Variants in LTBP2 observed in about 807,000 individuals in gnomAD.
LTBP2 encodes the protein latent transforming growth factor beta binding protein 2.
A neutral mutation model predicts 210.6 loss-of-function variants in LTBP2; 103 were observed. That is an observed-to-expected ratio of 0.49 (90% CI 0.42 to 0.58). LTBP2 has a LOEUF of 0.58. Among genes scored for constraint, LTBP2 ranks in the 20% least tolerant of loss-of-function variants. LTBP2 has a pLI of 0.00. For synonymous variants in LTBP2, 1,007 were observed against 1,015.0 expected (o/e 0.99, Z 0.15); for missense variants, 2,313 against 2,494.5 (o/e 0.93, Z 1.55).
At chr14:74,589,658 G>GACC (rs1422060499) in intron 2 of LTBP2, among the ~76,000 whole-genome samples, 1 of 152,184 alleles carries the variant, frequency 6.6e-6, no homozygotes, top group Admixed American at 6.5e-5. Context: ...GTCCCCACCT[G>GACC]ACCACCTGCC....
rs1483014153 is a variant in LTBP2, at chr14:74,552,953, G to C, written c.1131C>G (p.Asp377Glu). 1.2e-6 allele frequency: 2 copies of C among 1,613,936 alleles called. No individual in the cohort carries two copies. The highest frequency in any genetic ancestry group is 1.7e-6 in the Non-Finnish European group (2 of 1,179,980). Residue 377 changes from aspartate to glutamate, a missense_variant, in exon 5 of 36, where the codon GAC (aspartate) becomes GAG (glutamate). Transcript: ENST00000261978. Reference sequence around the variant, plus strand: ...CGCCCTGGCTGTACAGGGTGGTGGTGTCGCCCCTCTCACAGCTGTTGGCAC... The same window carrying C: ...CGCCCTGGCTGTACAGGGTGGTGGTCTCGCCCCTCTCACAGCTGTTGGCAC... The part of the protein sequence containing the change: ...GHCANSCERG[D>E]TTTLYSQGGH...
At chr14:74,501,775 GTA>G (rs1430718651) in intron 34 of LTBP2, 185 bp from the exon 35 acceptor site, 1 of 691,968 alleles carries the variant, frequency 1.4e-6, no homozygotes, top group Non-Finnish European at 2.4e-6. Flanking sequence ...GAAAAAAAAA[GTA>G]TGTGTCATTT....
chr14:74,587,485 C>T (rs953945429), intron 2 of LTBP2, among the ~76,000 whole-genome samples: 1 of 151,396 alleles, frequency 6.6e-6, no homozygotes, highest in African/African-American at 2.4e-5. Context: ...GAGATGGGAG[C>T]GTGCAAAGGA....
Position 74,505,925 on chromosome 14 carries a change from A to G in LTBP2, c.4177+123T>C, listed in dbSNP as rs1024586365. 201 of 1,379,752 alleles carry G rather than the reference A, an allele frequency of 1.5e-4. 1 individual carries two copies. The highest frequency in any genetic ancestry group is 3.7e-4 in the Middle Eastern group (2 of 5,464). The allele number at this position is 1,379,752 out of a possible 1,614,324, so 85.5% of individuals were successfully genotyped here. ...CACCAGGCCCCGCCTGCACCTCCCT[A>G]TGCTGCCCCAGGCCCTGGCCCAGTG... On this transcript the variant is annotated intron_variant, in intron 28 of 35. Transcript: ENST00000261978.
chr14:74,582,460 C>T (rs1238205000), intron 3 of LTBP2, among the ~76,000 whole-genome samples: 3 of 151,644 alleles, frequency 2.0e-5, no homozygotes, highest in African/African-American at 2.4e-5. Flanking sequence ...TGCTTGTTGC[C>T]ACCTCCTCCC....
chr14:74,603,204 T>A (rs1418093271), intron 2 of LTBP2, among the ~76,000 whole-genome samples: 1 of 152,164 alleles, frequency 6.6e-6, no homozygotes, highest in East Asian at 1.9e-4. Context: ...CTTGGCTCAC[T>A]GCAAACTCTG....
At position 74,505,090 on chromosome 14, in the gene LTBP2, G is replaced by C. The variant is rs774548138; in HGVS notation, c.4262C>G (p.Ala1421Gly). Residue 1421 changes from alanine to glycine, a missense_variant, in exon 29 of 36, where the codon GCG (alanine) becomes GGG (glycine). Transcript: ENST00000261978. The part of the protein sequence containing the change: ...MDCYSGQKGH[A>G]PCSSVLGRNT... Reference sequence around the variant, plus strand: ...CCGGCCCAGGACACTGGAGCAGGGCGCATGGCCCTTCTGCCCGGAGTAGCA... The same window carrying C: ...CCGGCCCAGGACACTGGAGCAGGGCCCATGGCCCTTCTGCCCGGAGTAGCA... 2 of 1,613,936 alleles carry C rather than the reference G, an allele frequency of 1.2e-6. No homozygotes were observed. The highest frequency in any genetic ancestry group is 1.7e-6 in the Non-Finnish European group (2 of 1,180,050).
At position 74,526,089 on chromosome 14, in the gene LTBP2, G is replaced by C; in HGVS notation, c.2414C>G (p.Pro805Arg). The C allele has an allele frequency of 6.2e-7, 1 of 1,605,992 alleles. No individual in the cohort carries two copies. The highest frequency in any genetic ancestry group is 8.5e-7 in the Non-Finnish European group (1 of 1,175,892). ...GQVTTSVTHAPAWVTGNATTP... is the reference protein window; with the variant it reads ...GQVTTSVTHARAWVTGNATTP... Reference sequence around the variant, plus strand: ...GAGGGACTCACCTGTGACCCAGGCAGGTGCATGAGTGACACTGGTCGTGAC... The same window carrying C: ...GAGGGACTCACCTGTGACCCAGGCACGTGCATGAGTGACACTGGTCGTGAC... The change falls in exon 14 of 36, where the codon CCT (proline) becomes CGT (arginine). Residue 805 changes from proline (P) to arginine (R), a missense_variant. Pro to Arg is a moderately radical substitution (Grantham distance 103). Transcript: ENST00000261978.
rs757462655 is a variant in LTBP2 at position 74,535,887 on chromosome 14, C to T, written c.1864+39G>A. Reference sequence around the variant, plus strand: ...CCTGTCTGGTGCTGGGAGTGTGCCCCGGCATCCTTGAGCCCAGCCCTGGCC... The same window carrying T: ...CCTGTCTGGTGCTGGGAGTGTGCCCTGGCATCCTTGAGCCCAGCCCTGGCC... On this transcript the variant is annotated intron_variant, in intron 9 of 35. Transcript: ENST00000261978. 2.7e-5 allele frequency: 43 copies of T among 1,574,522 alleles called. 1 individual carries two copies. The East Asian group carries it at 4.5e-4, about 16-fold the overall frequency.
At chr14:74,567,152 C>T (rs112664740) in intron 3 of LTBP2, among the ~76,000 whole-genome samples, 2,032 of 152,258 alleles carry the variant, frequency 0.013, 44 homozygotes, top group African/African-American at 0.047. Context: ...GAGGGGCACC[C>T]AGCCCTTGCC....
chr14:74,561,733 C>T (rs2087796495), intron 3 of LTBP2, among the ~76,000 whole-genome samples: 1 of 152,120 alleles, frequency 6.6e-6, no homozygotes, highest in Non-Finnish European at 1.5e-5. Context: ...GAAACTGAGG[C>T]TCAGAAAAAG....
intron 34 of LTBP2, among the ~76,000 whole-genome samples, chr14:74,502,222 C>T (rs2086918276): frequency 6.6e-6 from 1 of 152,160 alleles, no homozygotes; most frequent in Admixed American, 6.5e-5. Context: ...GCACCATTCA[C>T]AAACCGAGTC....
At chr14:74,607,760 T>C (rs546437947) in intron 1 of LTBP2, among the ~76,000 whole-genome samples, 3 of 152,306 alleles carry the variant, frequency 2.0e-5, no homozygotes, top group Non-Finnish European at 4.4e-5. Context: ...CATGTATCTA[T>C]AGTAATATTG....
Position 74,528,620 on chromosome 14 carries a change from G to A in LTBP2, c.2231C>T (p.Ala744Val), listed in dbSNP as rs1310944162. The change falls in exon 12 of 36, where the codon GCC becomes GTC. Residue 744 changes from alanine to valine, a missense_variant. Coordinates refer to ENST00000261978, the MANE Select transcript of LTBP2 (RefSeq NM_000428.3). ...SSDIRLSMRK[A>V]EEEELARPPR... is the part of the protein sequence containing the mutation. Reference sequence around the variant, plus strand: ...GGGCCTTGCCAGTTCCTCCTCCTCGGCTTTCCTCATGGACAGGCGGATGTC... The same window carrying A: ...GGGCCTTGCCAGTTCCTCCTCCTCGACTTTCCTCATGGACAGGCGGATGTC... The A allele has an allele frequency of 1.5e-5, 25 of 1,613,588 alleles. No homozygotes were observed. Among genetic ancestry groups the A allele is most frequent in the Non-Finnish European group, 2.1e-5 (25 of 1,180,040 alleles).
At chr14:74,502,228 G>A (rs1216417415) in intron 34 of LTBP2, among the ~76,000 whole-genome samples, 1 of 152,146 alleles carries the variant, frequency 6.6e-6, no homozygotes, top group African/African-American at 2.4e-5. Context: ...TTCACAAACC[G>A]AGTCATCACG....
At chr14:74,563,993 G>C (rs2139761941) in intron 3 of LTBP2, among the ~76,000 whole-genome samples, 1 of 117,442 alleles carries the variant, frequency 8.5e-6, no homozygotes, top group South Asian at 2.5e-4. Flanking sequence ...ACAGGAAGTG[G>C]GAAGTGGGTG....
intron 3 of LTBP2, among the ~76,000 whole-genome samples, chr14:74,581,795 T>C (rs2088139806): frequency 6.6e-6 from 1 of 152,054 alleles, no homozygotes; most frequent in Non-Finnish European, 1.5e-5. Context: ...TGTGATCGTG[T>C]GTCATGGCAG....
At chr14:74,532,347 C>T in intron 10 of LTBP2, 79 bp downstream of exon 10, 2 of 1,596,650 alleles carry the variant, frequency 1.3e-6, no homozygotes, top group African/African-American at 1.3e-5. Flanking sequence ...AATTGCTGCC[C>T]TGGGCCTGGC....
intron 8 of LTBP2, among the ~76,000 whole-genome samples, chr14:74,539,087 G>C (rs2083199053): frequency 6.6e-6 from 1 of 152,266 alleles, no homozygotes; most frequent in Admixed American, 6.5e-5. Context: ...TGAGGAAAGA[G>C]ACCAAGTGCA....
Sources: allele counts gnomAD v4.1 joint callset (sites outside exome capture counted in the v4.1 genomes callset), GRCh38; gene constraint gnomAD v4.1.1; transcripts MANE v1.5; gene names NCBI Gene and HGNC (gene_info 2026-07-23, HGNC 2026-07-21).